Variants in HJURP observed in about 807,000 individuals in gnomAD.
HJURP encodes the protein 14-3-3-associated AKT substrate.
In HJURP, 49 loss-of-function variants were observed where a neutral mutation model predicts 72.0. The ratio of observed to expected loss-of-function variants is 0.68; its 90% CI spans 0.54 to 0.86. HJURP has a LOEUF of 0.86. HJURP is among the 40% of genes least tolerant of loss of function. HJURP has a pLI of 0.00. For missense variants in HJURP, 908 were observed against 936.3 expected (o/e 0.97, Z 0.39); for synonymous variants, 357 against 347.1 (o/e 1.03, Z -0.32).
At chr2:233,844,098 C>G in intron 7 of HJURP, 107 bp downstream of exon 7, 3 of 755,822 alleles carry the variant, frequency 4.0e-6, no homozygotes, top group South Asian at 1.7e-5. Flanking sequence ...ATGAAACACA[C>G]CAGGAAATGA....
intron 7 of HJURP, among the ~76,000 whole-genome samples, chr2:233,843,874 G>C (rs757358968): frequency 6.6e-6 from 1 of 152,220 alleles, no homozygotes; most frequent in African/African-American, 2.4e-5. Context: ...GTGTGTGCAC[G>C]TGTGTGGCAG....
intron 2 of HJURP, among the ~76,000 whole-genome samples, chr2:233,853,436 T>C (rs1705541877): frequency 6.6e-6 from 1 of 152,218 alleles, no homozygotes; most frequent in Non-Finnish European, 1.5e-5. Flanking sequence ...TCAATGTGAG[T>C]ATTCACAGTG....
Position 233,838,324 on chromosome 2 carries a change from G to T in HJURP, c.2172-672C>A, listed in dbSNP as rs533267941. On this transcript the variant is annotated intron_variant, in intron 8 of 8. Transcript: ENST00000411486. ...CACCAAGGGCTGAGTCCTCAGGATG[G>T]TCCCACAATAATGCAACCTCACACC... Among the ~76,000 whole-genome samples, 5 of 152,168 alleles carry T rather than the reference G, an allele frequency of 3.3e-5. No homozygotes were observed. The East Asian group carries it at 9.6e-4, about 29-fold the overall frequency.
Position 233,840,826 on chromosome 2 carries a change from C to G in HJURP, c.1954G>C (p.Gly652Arg). The G allele has an allele frequency of 6.2e-7, 1 of 1,613,864 alleles. No homozygotes were observed. The change falls in exon 8 of 9, where the codon GGC (glycine) becomes CGC (arginine). Residue 652 changes from glycine to arginine, a missense_variant. Transcript: ENST00000411486. Reference protein sequence around the residue: ...SPLGCRKSLLGSTAIEAPSST... With the variant: ...SPLGCRKSLLRSTAIEAPSST... ...GAAGGAGCCTCAATTGCAGTTGAGC[C>G]CAGTAGACTTTTTCTGCACCCCAGG... is the stretch of plus-strand genomic sequence containing the variant.
rs779138739 is a variant in HJURP, at chr2:233,853,924, A to G, written c.118-14T>C. The G allele has an allele frequency of 1.2e-6, 2 of 1,612,856 alleles. No individual in the cohort carries two copies. The highest frequency in any genetic ancestry group is 1.1e-5 in the South Asian group (1 of 91,028). ...GGGCTGGTTGTACTGCGGAGGAGGA[A>G]GGGGCTTCCTGTCAGGTTCCAGGGC... On this transcript the variant is annotated splice_polypyrimidine_tract_variant and intron_variant, in intron 1 of 8. Coordinates refer to ENST00000411486, the MANE Select transcript of HJURP (RefSeq NM_018410.5).
At position 233,837,565 on chromosome 2, in the gene HJURP, G is replaced by C; in HGVS notation, c.*12C>G. On this transcript the variant is annotated 3_prime_UTR_variant, in exon 9 of 9. Transcript: ENST00000411486. ...CAAGTGGGAAGATAAATAACACTCC[G>C]AAATAACCTAGCTACACACTTTTAG... 6.3e-7 allele frequency: 1 copy of C among 1,575,622 alleles called. No individual in the cohort carries two copies. The highest frequency in any genetic ancestry group is 8.7e-7 in the Non-Finnish European group (1 of 1,148,176).
chr2:233,837,419 A>C lies in HJURP; in HGVS notation c.*158T>G. ...ACTTTATTCACATAATTTCTACACCAAGAACTCGAGGTTATCTCTGATGGA... is the reference window on the plus strand; with the variant it reads ...ACTTTATTCACATAATTTCTACACCCAGAACTCGAGGTTATCTCTGATGGA... On this transcript the variant is annotated 3_prime_UTR_variant, in exon 9 of 9. Coordinates refer to ENST00000411486, the MANE Select transcript of HJURP (RefSeq NM_018410.5). 1.6e-6 allele frequency: 1 copy of C among 608,804 alleles called. No individual in the cohort carries two copies. The highest frequency in any genetic ancestry group is 2.9e-5 in the East Asian group (1 of 34,588). 37.7% of individuals were successfully genotyped at this position (608,804 alleles called of 1,614,324 possible).
intron 3 of HJURP, among the ~76,000 whole-genome samples, 157 bp from the exon 4 acceptor site, chr2:233,850,016 A>G (rs1180862152): frequency 6.6e-6 from 1 of 152,248 alleles, no homozygotes; most frequent in Non-Finnish European, 1.5e-5. Context: ...ACTTTATAAG[A>G]GGCCTCAAGA....
At chr2:233,850,002 G>A in intron 3 of HJURP, 143 bp from the exon 4 acceptor site, 2 of 625,048 alleles carry the variant, frequency 3.2e-6, no homozygotes, top group South Asian at 1.9e-5. Flanking sequence ...CTCCCTGCAT[G>A]TCCACTTTAT....
At position 233,847,632 on chromosome 2, in the gene HJURP, G is replaced by C. The variant is rs28900711; in HGVS notation, c.338-171C>G. Among the ~76,000 whole-genome samples the C allele has an allele frequency of 5.2e-3, 789 of 152,298 alleles. 7 individuals are homozygous for C. The highest frequency in any genetic ancestry group is 0.018 in the African/African-American group (754 of 41,556). On this transcript the variant is annotated intron_variant, in intron 4 of 8. Coordinates refer to ENST00000411486, the MANE Select transcript of HJURP (RefSeq NM_018410.5). Reference sequence around the variant, plus strand: ...GCTGCCCGTGGTTCTTAGTAACCCAGAGAACCCCTAGAATGGGAAACTGCC... The same window carrying C: ...GCTGCCCGTGGTTCTTAGTAACCCACAGAACCCCTAGAATGGGAAACTGCC...
In HJURP at chr2:233,841,896, G is replaced by T. The variant is rs3732215; in HGVS notation, c.884C>A (p.Ser295Tyr). 141 of 1,613,824 alleles carry T rather than the reference G, an allele frequency of 8.7e-5. No individual in the cohort carries two copies. The highest frequency in any genetic ancestry group is 3.8e-4 in the South Asian group (35 of 91,084). ...GCTCTTATATCTGTGCCTCCTCCTG[G>T]AGTTCCAGTTTTGCATGATGAACGT... Reference protein sequence around the residue: ...TKTFIMQNWNSRRRHRYKSRM... With the variant: ...TKTFIMQNWNYRRRHRYKSRM... Residue 295 changes from serine to tyrosine, a missense_variant, in exon 8 of 9, where the codon TCC (serine) becomes TAC (tyrosine). Physicochemically the swap from Ser to Tyr is moderately radical, Grantham distance 144. Around this residue, in one of 3 missense-constraint regions of HJURP, gnomAD observed 598 missense variants for 619.5 expected, o/e 0.97. Transcript: ENST00000411486.
At position 233,845,790 on chromosome 2, in the gene HJURP, C is replaced by T. The variant is rs138061029; in HGVS notation, c.433G>A (p.Glu145Lys). 8 of 1,613,440 alleles carry T rather than the reference C, an allele frequency of 5.0e-6. No homozygotes were observed. The highest frequency in any genetic ancestry group is 6.8e-6 in the Non-Finnish European group (8 of 1,179,532). ...TGGGTCAAGTATTTCCTTCTTAATT[C>T]ATTTTTCAAAGGGCTTTGAGGCACT... ...PAVPQSPLKNELRRKYLTQVD... is the reference protein window; with the variant it reads ...PAVPQSPLKNKLRRKYLTQVD... The change falls in exon 6 of 9, where the codon GAA becomes AAA. Residue 145 changes from glutamate (E) to lysine (K), a missense_variant. Around this residue, in one of 3 missense-constraint regions of HJURP, gnomAD observed 299 missense variants for 286.7 expected, o/e 1.04. Transcript: ENST00000411486.
rs977501643 is a variant in HJURP at position 233,836,852 on chromosome 2, A to G, written c.*725T>C. On this transcript the variant is annotated 3_prime_UTR_variant, in exon 9 of 9. Transcript: ENST00000411486. Reference sequence around the variant, plus strand: ...GAGTCACAGGCGCTGTGGCTGCAGGAGCGTCTGGGACCACCAGGACTGTTT... The same window carrying G: ...GAGTCACAGGCGCTGTGGCTGCAGGGGCGTCTGGGACCACCAGGACTGTTT... 6.6e-6 allele frequency: 1 copy of G among 152,338 alleles called. No individual in the cohort carries two copies. The highest frequency in any genetic ancestry group is 1.5e-5 in the Non-Finnish European group (1 of 68,034). 9.4% of individuals were successfully genotyped at this position (152,338 alleles called of 1,614,324 possible). A position where few individuals can be genotyped will look rare whatever the true frequency, so the allele number is the denominator to read the frequency against.
intron 6 of HJURP, 84 bp from the exon 7 acceptor site, chr2:233,844,367 G>T: frequency 1.1e-6 from 1 of 945,058 alleles, no homozygotes; most frequent in Non-Finnish European, 1.7e-6. Flanking sequence ...CTGACGATGC[G>T]GACTGTGCAT....
intron 2 of HJURP, among the ~76,000 whole-genome samples, chr2:233,853,463 TCA>T (rs1175674864): frequency 1.3e-5 from 2 of 152,186 alleles, no homozygotes; most frequent in African/African-American, 4.8e-5. Flanking sequence ...GGGGTACTGT[TCA>T]CAGTTTCATA....
Position 233,846,031 on chromosome 2 carries a change from A to ACG in HJURP, c.403-212_403-211insCG. ...AGAATGTAAAAAGACACACACACAC[A>ACG]AAAAAACCATGTCTAGAGAAGTTTA... On this transcript the variant is annotated intron_variant, in intron 5 of 8. Transcript: ENST00000411486. The surrounding 1 kb of genome is among the most constrained non-coding windows in gnomAD (Gnocchi z 4.3). The ACG allele has an allele frequency of 2.0e-6, 1 of 491,964 alleles. No individual in the cohort carries two copies. The highest frequency in any genetic ancestry group is 3.6e-6 in the Non-Finnish European group (1 of 277,260). The allele number at this position is 491,964 out of a possible 1,614,324, so 30.5% of individuals were successfully genotyped here. A position where few individuals can be genotyped will look rare whatever the true frequency, so the allele number is the denominator to read the frequency against.
chr2:233,852,508 C>T, intron 3 of HJURP, 57 bp downstream of exon 3: 1 of 1,309,460 alleles, frequency 7.6e-7, no homozygotes, highest in Non-Finnish European at 1.1e-6. Flanking sequence ...CACCTTTATT[C>T]ATATGAATAC....
At chr2:233,847,026 CCT>C (rs1258627735) in intron 5 of HJURP, among the ~76,000 whole-genome samples, 1 of 152,190 alleles carries the variant, frequency 6.6e-6, no homozygotes, top group Non-Finnish European at 1.5e-5. Context: ...CCCTAGAACA[CCT>C]CTCTTTTTAC....
In HJURP at chr2:233,853,994, G is replaced by A. The variant is rs1027514683; in HGVS notation, c.118-84C>T. The stretch of plus-strand genomic sequence containing the variant: ...GGGAGGAGGCGGCGCCAGCCCGTGA[G>A]AGGCCGTTAGTCTGGCCTGGGGCGC... On this transcript the variant is annotated intron_variant, in intron 1 of 8. Coordinates refer to ENST00000411486, the MANE Select transcript of HJURP (RefSeq NM_018410.5). The A allele has an allele frequency of 9.6e-6, 12 of 1,254,818 alleles. No individual in the cohort carries two copies. The Admixed American group carries it at 2.0e-4, about 21-fold the overall frequency. 77.7% of individuals were successfully genotyped at this position (1,254,818 alleles called of 1,614,324 possible). A position where few individuals can be genotyped will look rare whatever the true frequency, so the allele number is the denominator to read the frequency against.
Sources: allele counts gnomAD v4.1 joint callset (sites outside exome capture counted in the v4.1 genomes callset), GRCh38; gene constraint gnomAD v4.1.1; regional missense constraint gnomAD v4.1.1; non-coding constraint Gnocchi (gnomAD v3.1); transcripts MANE v1.5; gene names NCBI Gene and HGNC (gene_info 2026-07-23, HGNC 2026-07-21).